Variants in DCC observed in about 807,000 individuals in gnomAD.
DCC encodes DCC netrin 1 receptor, also known as netrin receptor DCC.
In DCC, 58 loss-of-function variants were observed where a neutral mutation model predicts 172.5. The ratio of observed to expected loss-of-function variants is 0.34; its 90% CI spans 0.27 to 0.42. The LOEUF is 0.42. Among genes scored for constraint, DCC ranks in the 10% least tolerant of loss-of-function variants. The probability of loss-of-function intolerance (pLI) is 1.00; values close to 1 mark genes in which losing one functional copy is unlikely to be tolerated. For synonymous variants in DCC, 709 were observed against 644.5 expected (o/e 1.10, Z -1.52); for missense variants, 1,740 against 1,791.0 (o/e 0.97, Z 0.51).
rs2055603449 is a variant in DCC, at chr18:53,205,089, T to C, written c.1574-127T>C. ...TTTATATTTTTATATTCTTATTCCA[T>C]ATTATTCTAAAATACATACTCCTAG... On this transcript the variant is annotated intron_variant, in intron 9 of 28. Transcript: ENST00000442544. 5 of 730,706 alleles carry C rather than the reference T, an allele frequency of 6.8e-6. No individual in the cohort carries two copies. In the East Asian group the frequency reaches 1.3e-4, roughly 20 times the overall value. 45.3% of individuals were successfully genotyped at this position (730,706 alleles called of 1,614,324 possible).
intron 2 of DCC, among the ~76,000 whole-genome samples, chr18:52,786,040 T>C (rs1324466563): frequency 6.6e-6 from 1 of 152,114 alleles, no homozygotes. Flanking sequence ...TGCTACTGTT[T>C]ATAGCCCTAC....
intron 2 of DCC, among the ~76,000 whole-genome samples, chr18:52,756,708 C>T (rs562026434): frequency 1.2e-4 from 19 of 152,192 alleles, no homozygotes; most frequent in African/African-American, 4.1e-4. Context: ...ATCTTCCCTA[C>T]TCTAAACGTT....
chr18:53,183,815 G>A (rs995967567), intron 9 of DCC, among the ~76,000 whole-genome samples: 3 of 151,826 alleles, frequency 2.0e-5, no homozygotes, highest in Non-Finnish European at 2.9e-5. Flanking sequence ...GTTAGGAAAA[G>A]AACAGAGAAG....
chr18:53,278,304 A>G lies in DCC; in HGVS notation c.1912-27274A>G, dbSNP rs569453608. On this transcript the variant is annotated intron_variant, in intron 12 of 28. Coordinates refer to ENST00000442544, the MANE Select transcript of DCC (RefSeq NM_005215.4). ...AGAATTTTCCTTTATATGGAAAGAAATATTTTCTTTCAGATTGGAAAAATA... is the reference window on the plus strand; with the variant it reads ...AGAATTTTCCTTTATATGGAAAGAAGTATTTTCTTTCAGATTGGAAAAATA... 2.4e-4 allele frequency among the ~76,000 whole-genome samples: 36 copies of G among 152,264 alleles called. 1 individual carries two copies. The South Asian group carries it at 7.3e-3, about 31-fold the overall frequency.
At chr18:53,480,736 A>G (rs1311205628) in intron 25 of DCC, 1 of 152,198 alleles carries the variant, frequency 6.6e-6, no homozygotes, top group Non-Finnish European at 1.5e-5. Flanking sequence ...TCGGTACTCC[A>G]TTGTGCAGAT....
intron 1 of DCC, among the ~76,000 whole-genome samples, chr18:52,413,123 G>A (rs1388287489): frequency 6.6e-6 from 1 of 150,894 alleles, no homozygotes; most frequent in African/African-American, 2.4e-5. Flanking sequence ...TTTTTTTCCT[G>A]AAAGATCATT....
chr18:53,234,735 C>G (rs1284748548), intron 12 of DCC, among the ~76,000 whole-genome samples: 1 of 152,188 alleles, frequency 6.6e-6, no homozygotes, highest in African/African-American at 2.4e-5. Flanking sequence ...AGTGCTTACT[C>G]TGGATTATAT....
intron 2 of DCC, among the ~76,000 whole-genome samples, chr18:52,889,406 C>A (rs901348998): frequency 3.3e-5 from 5 of 152,040 alleles, no homozygotes; most frequent in Non-Finnish European, 5.9e-5. Flanking sequence ...AGCCAATAGC[C>A]ATTGACCACA....
chr18:53,498,377 G>T (rs1470646359), intron 26 of DCC, among the ~76,000 whole-genome samples: 6 of 152,042 alleles, frequency 3.9e-5, no homozygotes, highest in Non-Finnish European at 8.8e-5. Context: ...ACTTTATTAA[G>T]AAATAAGTCA....
intron 7 of DCC, among the ~76,000 whole-genome samples, chr18:53,066,411 ATGTGTGTGTT>A (rs1346809387): frequency 9.6e-6 from 1 of 103,838 alleles, no homozygotes; most frequent in Non-Finnish European, 2.0e-5. Context: ...GCATGTGTGT[ATGTGTGTGTT>A]TGTGTATATA....
At chr18:53,300,782 A>AT (rs552791567) in intron 12 of DCC, among the ~76,000 whole-genome samples, 1 of 152,000 alleles carries the variant, frequency 6.6e-6, no homozygotes, top group Middle Eastern at 3.4e-3. Flanking sequence ...TTTAGATTAT[A>AT]TTTTTTTTCT....
At chr18:52,599,999 A>G (rs2033985919) in intron 1 of DCC, among the ~76,000 whole-genome samples, 1 of 152,130 alleles carries the variant, frequency 6.6e-6, no homozygotes, top group African/African-American at 2.4e-5. Context: ...TATTTATGTA[A>G]TGGATAACAG....
chr18:53,439,865 C>T (rs1188925974), intron 22 of DCC, among the ~76,000 whole-genome samples: 4 of 148,400 alleles, frequency 2.7e-5, no homozygotes, highest in Non-Finnish European at 4.5e-5. Flanking sequence ...CCCGGGTTCA[C>T]GCCATTCTCC....
At chr18:52,872,595 AC>A (rs2039339239) in intron 2 of DCC, among the ~76,000 whole-genome samples, 1 of 152,230 alleles carries the variant, frequency 6.6e-6, no homozygotes, top group African/African-American at 2.4e-5. Context: ...TATAAAAAGA[AC>A]AGGAGACTCA....
In DCC at chr18:53,391,792, G is replaced by A; in HGVS notation, c.2593G>A (p.Ala865Thr). 1 of 1,613,912 alleles carries A rather than the reference G, an allele frequency of 6.2e-7. No homozygotes were observed. The highest frequency in any genetic ancestry group is 1.1e-5 in the South Asian group (1 of 91,068). Residue 865 changes from alanine to threonine, a missense_variant, in exon 17 of 29, where the codon GCA (alanine) becomes ACA (threonine). Transcript: ENST00000442544. ...CCATGATGCTGTGAGGGTCAGCTGG[G>A]CAGACAACTCTGTCCCTAAGAACCA... ...LTHDAVRVSWADNSVPKNQKT... is the reference protein window; with the variant it reads ...LTHDAVRVSWTDNSVPKNQKT...
At chr18:53,179,208 C>T in intron 9 of DCC, 92 bp downstream of exon 9, 2 of 1,307,824 alleles carry the variant, frequency 1.5e-6, no homozygotes, top group Non-Finnish European at 2.2e-6. Flanking sequence ...TGCGAAGTGA[C>T]AAAAGCGAAG....
chr18:53,021,856 G>A (rs745892688), intron 5 of DCC, among the ~76,000 whole-genome samples: 1 of 152,204 alleles, frequency 6.6e-6, no homozygotes, highest in Non-Finnish European at 1.5e-5. Flanking sequence ...GGAAAAGCAA[G>A]CAGTTGGTTA....
intron 2 of DCC, among the ~76,000 whole-genome samples, chr18:52,759,774 A>T (rs910601361): frequency 6.6e-6 from 1 of 152,228 alleles, no homozygotes; most frequent in Non-Finnish European, 1.5e-5. Context: ...TACACTGTTA[A>T]TCTTGTTAAT....
intron 2 of DCC, among the ~76,000 whole-genome samples, chr18:52,824,910 C>T (rs2038482299): frequency 1.3e-5 from 2 of 152,040 alleles, no homozygotes; most frequent in Admixed American, 6.5e-5. Flanking sequence ...ACAGAGGTTG[C>T]AGTGAGCCAA....
Sources: gnomAD v4.1 joint callset for allele counts (sites outside exome capture counted in the v4.1 genomes callset) on GRCh38, gnomAD v4.1.1 for gene constraint, MANE v1.5 for transcripts, NCBI Gene and HGNC (gene_info 2026-07-23, HGNC 2026-07-21) for gene names.